The following ADGRV1 variants were observed in gnomAD, a reference collection of about 807,000 sequenced individuals.
The protein encoded by ADGRV1 is G-protein coupled receptor 98.
A neutral mutation model predicts 596.2 loss-of-function variants in ADGRV1; 359 were observed. The observed-to-expected ratio is 0.60, with a 90% CI of 0.55 to 0.66. ADGRV1 has a LOEUF of 0.66. Among genes scored for constraint, ADGRV1 ranks in the 30% least tolerant of loss-of-function variants. The pLI is 0.00. For synonymous variants in ADGRV1, 2,681 were observed against 2,679.2 expected, an observed-to-expected ratio of 1.00 and a Z score of -0.02; for missense variants, 7,274 against 7,575.6, an observed-to-expected ratio of 0.96 and a Z score of 1.48.
chr5:90,653,122 G>T, intron 19 of ADGRV1, 87 bp from the exon 20 acceptor site: 1 of 1,263,376 alleles, frequency 7.9e-7, no homozygotes, highest in Non-Finnish European at 1.1e-6. Context: ...CCAGAAGTTT[G>T]TCTGCTAAAC....
chr5:90,823,551 G>T lies in ADGRV1; in HGVS notation c.16323G>T (p.Met5441Ile), dbSNP rs1763798897. Residue 5441 changes from methionine to isoleucine, a missense_variant, in exon 76 of 90, where the codon ATG becomes ATT. Around this residue, in one of 5 missense-constraint regions of ADGRV1, gnomAD observed 1,874 missense variants for 1,970.2 expected, o/e 0.95. Coordinates refer to ENST00000405460, the MANE Select transcript of ADGRV1 (RefSeq NM_032119.4). The part of the protein sequence containing the change: ...QSVSGTTTCT[M>I]GQTKCFISIE... ...TGTCAGGGACCACAACCTGTACAAT[G>T]GGTCAAACAAAATGCTTTATCAGCA... 1.2e-6 allele frequency: 2 copies of T among 1,613,676 alleles called. No homozygotes were observed. Among genetic ancestry groups the T allele is most frequent in the South Asian group, 2.2e-5 (2 of 91,060 alleles).
At chr5:90,848,855 T>C (rs764646163) in intron 79 of ADGRV1, 34 bp downstream of exon 79, 1 of 1,466,314 alleles carries the variant, frequency 6.8e-7, no homozygotes, top group Admixed American at 2.4e-5. Context: ...CAGTACCTTT[T>C]ATGCATTTTT....
chr5:91,089,741 A>G (rs557694283), intron 86 of ADGRV1, among the ~76,000 whole-genome samples: 1 of 152,314 alleles, frequency 6.6e-6, no homozygotes, highest in Non-Finnish European at 1.5e-5. Context: ...TCTGTAAAAG[A>G]TAACTGGCTA....
chr5:90,892,157 C>T (rs1770884928), intron 83 of ADGRV1, among the ~76,000 whole-genome samples: 1 of 151,982 alleles, frequency 6.6e-6, no homozygotes, highest in African/African-American at 2.4e-5. Flanking sequence ...GAAGTGCTCA[C>T]CTCTCTCAAT....
At position 90,756,594 on chromosome 5, in the gene ADGRV1, C is replaced by T. The variant is rs781103632; in HGVS notation, c.11721C>T (p.Asp3907=). Residue 3907 remains aspartate, a synonymous_variant, in exon 56 of 90, where the codon GAC becomes GAT. Transcript: ENST00000405460. ...CTGAGATAATGATAGAAGAAAATGA[C>T]GATCCCAGAGGAATTTTTATGTTTC... ...EIAEIMIEEN[D]DPRGIFMFHV... is the part of the protein sequence containing the mutation. 8.1e-6 allele frequency: 13 copies of T among 1,613,496 alleles called. No individual in the cohort carries two copies. The highest frequency in any genetic ancestry group is 3.3e-5 in the Admixed American group (2 of 59,998).
chr5:90,956,569 G>T (rs567403598), intron 83 of ADGRV1, among the ~76,000 whole-genome samples: 4 of 152,108 alleles, frequency 2.6e-5, no homozygotes, highest in Non-Finnish European at 4.4e-5. Flanking sequence ...CCAAATCTAC[G>T]TGTAAAATTT....
intron 1 of ADGRV1, chr5:90,614,117 G>T (rs1763043576): frequency 4.1e-6 from 1 of 246,014 alleles, no homozygotes; most frequent in Admixed American, 5.7e-5. Context: ...CTGAAAGTAG[G>T]AACAGTATTG....
chr5:90,610,318 CAAT>C, intron 1 of ADGRV1, among the ~76,000 whole-genome samples: 1 of 151,940 alleles, frequency 6.6e-6, no homozygotes, highest in South Asian at 2.1e-4. Context: ...TAAACAGGAA[CAAT>C]AAAGCATCGT....
chr5:90,668,438 C>A (rs890733679), intron 21 of ADGRV1, among the ~76,000 whole-genome samples: 1 of 152,160 alleles, frequency 6.6e-6, no homozygotes, highest in Non-Finnish European at 1.5e-5. Flanking sequence ...TTGCGCTTCC[C>A]GAGTGAGGCA....
Position 90,627,298 on chromosome 5 carries a change from A to C in ADGRV1, c.760A>C (p.Ile254Leu). ...EINTSRNSIE[I>L]IIKKNDSPVR... ...TAACACCTCTAGGAATTCCATTGAG[A>C]TCATCATTAAGAAAAATGATAGTCC... Residue 254 changes from isoleucine to leucine, a missense_variant, in exon 7 of 90, where the codon ATC becomes CTC. Transcript: ENST00000405460. The C allele has an allele frequency of 6.2e-7, 1 of 1,612,656 alleles. No individual in the cohort carries two copies. The highest frequency in any genetic ancestry group is 8.5e-7 in the Non-Finnish European group (1 of 1,178,842).
At chr5:90,858,239 C>CA (rs936845690) in intron 82 of ADGRV1, among the ~76,000 whole-genome samples, 1 of 152,130 alleles carries the variant, frequency 6.6e-6, no homozygotes, top group Non-Finnish European at 1.5e-5. Flanking sequence ...GAACTCAACA[C>CA]AAAGATGGCT....
chr5:90,580,486 G>T (rs2151973564), intron 1 of ADGRV1, among the ~76,000 whole-genome samples: 1 of 151,900 alleles, frequency 6.6e-6, no homozygotes, highest in African/African-American at 2.4e-5. Context: ...TGAAGGCTTT[G>T]CTCGTTTTAT....
chr5:90,666,837 C>T (rs982366518), intron 21 of ADGRV1, among the ~76,000 whole-genome samples: 2 of 151,726 alleles, frequency 1.3e-5, no homozygotes, highest in African/African-American at 4.8e-5. Flanking sequence ...ATTTGCTTTT[C>T]TGTAAAGTAT....
rs77077599 is a variant in ADGRV1 at position 90,815,233 on chromosome 5, G to A, written c.16079-386G>A. Among the ~76,000 whole-genome samples, 981 of 152,222 alleles carry A rather than the reference G, an allele frequency of 6.4e-3. 10 individuals carry two copies. Among genetic ancestry groups the A allele is most frequent in the African/African-American group, 0.023 (936 of 41,528 alleles). ...TATGCTCAGTTCTGTTCTCGGAGCTGGGGATACAGTAGCGAATAAAAGTTG... is the reference window on the plus strand; with the variant it reads ...TATGCTCAGTTCTGTTCTCGGAGCTAGGGATACAGTAGCGAATAAAAGTTG... On this transcript the variant is annotated intron_variant, in intron 74 of 89. Coordinates refer to ENST00000405460, the MANE Select transcript of ADGRV1 (RefSeq NM_032119.4).
intron 57 of ADGRV1, among the ~76,000 whole-genome samples, chr5:90,759,186 C>T (rs1304598906): frequency 6.6e-6 from 1 of 151,890 alleles, no homozygotes; most frequent in African/African-American, 2.4e-5. Flanking sequence ...TTTAAAATGC[C>T]ATAAATATAC....
At position 90,635,172 on chromosome 5, in the gene ADGRV1, T is replaced by C; in HGVS notation, c.1898T>C (p.Phe633Ser). Residue 633 changes from phenylalanine (F) to serine (S), a missense_variant, in exon 10 of 90, where the codon TTT becomes TCT. Phe to Ser is a radical substitution (Grantham distance 155). Around this residue, in one of 5 missense-constraint regions of ADGRV1, gnomAD observed 1,715 missense variants for 1,708.8 expected, o/e 1.00. Transcript: ENST00000405460. ...IPLIPPISPR[F>S]GEICNISLLV... is the part of the protein sequence containing the mutation. ...CTAATCCCACCCATAAGCCCTAGATTTGGGGAAATCTGCAATATTTCTTTA... is the reference window on the plus strand; with the variant it reads ...CTAATCCCACCCATAAGCCCTAGATCTGGGGAAATCTGCAATATTTCTTTA... 6.2e-7 allele frequency: 1 copy of C among 1,611,546 alleles called. No homozygotes were observed. Among genetic ancestry groups the C allele is most frequent in the East Asian group, 2.2e-5 (1 of 44,842 alleles).
chr5:90,800,725 T>C (rs956615419), intron 70 of ADGRV1, among the ~76,000 whole-genome samples: 3 of 152,186 alleles, frequency 2.0e-5, no homozygotes, highest in African/African-American at 4.8e-5. Context: ...ACATACACCA[T>C]GGAATGCTAT....
At chr5:90,625,877 G>A (rs1580498511) in intron 6 of ADGRV1, 1 of 152,368 alleles carries the variant, frequency 6.6e-6, no homozygotes. Context: ...TGGGATTACA[G>A]GCATGAGCCA....
intron 85 of ADGRV1, among the ~76,000 whole-genome samples, chr5:90,993,231 T>C (rs1390034983): frequency 6.6e-6 from 1 of 150,970 alleles, no homozygotes; most frequent in Non-Finnish European, 1.5e-5. Flanking sequence ...TGATCCTGGT[T>C]CACTGCAACC....
Sources: gnomAD v4.1 joint callset for allele counts (sites outside exome capture counted in the v4.1 genomes callset) on GRCh38, gnomAD v4.1.1 for gene constraint, gnomAD v4.1.1 regional missense constraint, MANE v1.5 for transcripts, NCBI Gene and HGNC (gene_info 2026-07-23, HGNC 2026-07-21) for gene names.